The following WDFY3 variants were observed in gnomAD, a reference collection of about 807,000 sequenced individuals.
The protein encoded by WDFY3 is WD repeat and FYVE domain-containing protein 3.
A neutral mutation model predicts 409.6 loss-of-function variants in WDFY3; 66 were observed. That is an observed-to-expected ratio of 0.16 (90% confidence interval 0.13 to 0.20). WDFY3 has a LOEUF of 0.20. Among genes scored for constraint, WDFY3 ranks in the 10% least tolerant of loss-of-function variants. The pLI, the probability that WDFY3 is intolerant of heterozygous loss-of-function variation, is 1.00. For synonymous variants in WDFY3, 1,521 were observed against 1,537.1 expected, an observed-to-expected ratio of 0.99 and a Z score of 0.25; for missense variants, 3,031 against 4,298.1, an observed-to-expected ratio of 0.71 and a Z score of 8.24.
At chr4:84,700,231 G>A (rs1482369875) in intron 56 of WDFY3, among the ~76,000 whole-genome samples, 1 of 152,166 alleles carries the variant, frequency 6.6e-6, no homozygotes, top group East Asian at 1.9e-4. Context: ...TGGAGACAAG[G>A]TGTCACTTTA....
At chr4:84,898,905 A>G (rs1247324584) in intron 2 of WDFY3, among the ~76,000 whole-genome samples, 1 of 152,210 alleles carries the variant, frequency 6.6e-6, no homozygotes, top group African/African-American at 2.4e-5. Context: ...TCAAAAACTA[A>G]CACAAAACAA....
At chr4:84,817,071 T>C (rs986934867) in intron 13 of WDFY3, among the ~76,000 whole-genome samples, 1 of 152,176 alleles carries the variant, frequency 6.6e-6, no homozygotes, top group African/African-American at 2.4e-5. Context: ...CACAGATGCA[T>C]AACACTATGA....
At chr4:84,827,327 A>C (rs867002776) in intron 9 of WDFY3, among the ~76,000 whole-genome samples, 2 of 152,186 alleles carry the variant, frequency 1.3e-5, no homozygotes. Context: ...TCTTATTCTT[A>C]AGCTTATCTT....
intron 59 of WDFY3, 120 bp downstream of exon 59, chr4:84,692,765 T>G: frequency 1.1e-6 from 1 of 926,116 alleles, no homozygotes. Flanking sequence ...TAACACAAAA[T>G]GTATGGCACT....
intron 61 of WDFY3, among the ~76,000 whole-genome samples, chr4:84,688,935 G>T (rs1186087276): frequency 6.6e-6 from 1 of 152,144 alleles, no homozygotes; most frequent in East Asian, 1.9e-4. Context: ...CAAGGAAATG[G>T]CAATGTGTGA....
chr4:84,935,003 C>G (rs191506822), intron 1 of WDFY3, among the ~76,000 whole-genome samples: 26 of 152,194 alleles, frequency 1.7e-4, no homozygotes, highest in Middle Eastern at 3.4e-3. Flanking sequence ...TTTTTTAATT[C>G]AATATTACGT....
Position 84,671,210 on chromosome 4 carries a change from G to GA in WDFY3, c.*1657dup, listed in dbSNP as rs1478695053. 1.3e-5 allele frequency: 2 copies of GA among 152,486 alleles called. No homozygotes were observed. Among genetic ancestry groups the GA allele is most frequent in the East Asian group, 3.9e-4 (2 of 5,182 alleles). The allele number at this position is 152,486 out of a possible 1,614,324, so 9.4% of individuals were successfully genotyped here. A position where few individuals can be genotyped will look rare whatever the true frequency, so the allele number is the denominator to read the frequency against. On this transcript the variant is annotated 3_prime_UTR_variant, in exon 68 of 68. Transcript: ENST00000295888. ...ACCATTGTACCAAATGCCTATTTTT[G>GA]AATGCATGTGCATATATGTGCATTT...
chr4:84,807,341 G>C (rs1751686388), intron 15 of WDFY3, among the ~76,000 whole-genome samples: 1 of 152,118 alleles, frequency 6.6e-6, no homozygotes. Context: ...GTTGTGCAAA[G>C]TAAGCTATAA....
chr4:84,771,032 T>C (rs1744594257), intron 30 of WDFY3, among the ~76,000 whole-genome samples: 1 of 152,222 alleles, frequency 6.6e-6, no homozygotes, highest in South Asian at 2.1e-4. Flanking sequence ...TATACATCCC[T>C]ACTTCAATGT....
At position 84,726,922 on chromosome 4, in the gene WDFY3, G is replaced by T; in HGVS notation, c.7222-11C>A. On this transcript the variant is annotated splice_polypyrimidine_tract_variant and intron_variant, in intron 44 of 67. Coordinates refer to ENST00000295888, the MANE Select transcript of WDFY3 (RefSeq NM_014991.6). ...ACTTGGGATCTCAGACTGAAAACAG[G>T]GTATTAAGTATAGACATATCAGAAA... 6.3e-7 allele frequency: 1 copy of T among 1,598,940 alleles called. No homozygotes were observed. The highest frequency in any genetic ancestry group is 8.5e-7 in the Non-Finnish European group (1 of 1,175,128).
intron 9 of WDFY3, among the ~76,000 whole-genome samples, chr4:84,827,374 C>T (rs1018026053): frequency 2.0e-5 from 3 of 152,016 alleles, no homozygotes; most frequent in African/African-American, 7.2e-5. Flanking sequence ...AATATTTATT[C>T]TCATACTATA....
intron 2 of WDFY3, among the ~76,000 whole-genome samples, chr4:84,906,837 A>T (rs148791605): frequency 7.9e-5 from 12 of 151,774 alleles, no homozygotes; most frequent in African/African-American, 2.9e-4. Flanking sequence ...GTGGCCCAAG[A>T]CAATTCTTCT....
intron 2 of WDFY3, among the ~76,000 whole-genome samples, chr4:84,916,570 T>C (rs1182346465): frequency 6.6e-6 from 1 of 152,186 alleles, no homozygotes; most frequent in Non-Finnish European, 1.5e-5. Context: ...ATTCTGACAC[T>C]CTAATGCAGC....
intron 5 of WDFY3, among the ~76,000 whole-genome samples, chr4:84,845,683 T>C (rs1757995283): frequency 6.6e-6 from 1 of 152,158 alleles, no homozygotes; most frequent in South Asian, 2.1e-4. Context: ...AACTTTTTAC[T>C]AGAAAAATCA....
chr4:84,851,677 C>T (rs1462788829), intron 4 of WDFY3, among the ~76,000 whole-genome samples: 1 of 152,056 alleles, frequency 6.6e-6, no homozygotes, highest in Non-Finnish European at 1.5e-5. Flanking sequence ...AAGAGAAAAC[C>T]TGATCAATCA....
chr4:84,959,651 G>A (rs968845551), intron 1 of WDFY3, among the ~76,000 whole-genome samples: 3 of 152,172 alleles, frequency 2.0e-5, no homozygotes, highest in African/African-American at 7.2e-5. Context: ...GAGGAGATAG[G>A]AGAAGAAAAT....
At chr4:84,867,896 C>A (rs59161226) in intron 3 of WDFY3, among the ~76,000 whole-genome samples, 1 of 151,954 alleles carries the variant, frequency 6.6e-6, no homozygotes, top group Admixed American at 6.6e-5. Context: ...TCCTGCCGGG[C>A]GCAGTGGCTC....
At chr4:84,734,467 G>C (rs946070926) in intron 43 of WDFY3, among the ~76,000 whole-genome samples, 4 of 152,066 alleles carry the variant, frequency 2.6e-5, no homozygotes, top group Admixed American at 1.3e-4. Flanking sequence ...TAAAATATTA[G>C]CAGTTAACCA....
chr4:84,754,308 C>T (rs1281147820), intron 34 of WDFY3, among the ~76,000 whole-genome samples: 1 of 151,972 alleles, frequency 6.6e-6, no homozygotes, highest in African/African-American at 2.4e-5. Context: ...TGTAATACAA[C>T]AATGATGATG....
Sources: allele counts gnomAD v4.1 joint callset (sites outside exome capture counted in the v4.1 genomes callset), GRCh38; gene constraint gnomAD v4.1.1; transcripts MANE v1.5; gene names NCBI Gene and HGNC (gene_info 2026-07-23, HGNC 2026-07-21).